CACNB4: variants seen among roughly 807,000 people sequenced by gnomAD.
CACNB4 encodes the protein voltage-dependent L-type calcium channel subunit beta-4.
A neutral mutation model predicts 71.2 loss-of-function variants in CACNB4; 32 were observed. That is an observed-to-expected ratio of 0.45 (90% CI 0.34 to 0.60). The LOEUF is 0.60. CACNB4 is among the 20% of genes least tolerant of loss of function. The pLI, the probability that CACNB4 is intolerant of heterozygous loss-of-function variation, is 0.01. For missense variants in CACNB4, 464 were observed against 647.9 expected (o/e 0.72, Z 3.08); for synonymous variants, 231 against 236.9 (o/e 0.97, Z 0.23).
chr2:151,970,199 C>A (rs973784159), intron 2 of CACNB4: 2 of 152,184 alleles, frequency 1.3e-5, no homozygotes, highest in Non-Finnish European at 2.9e-5. Context: ...CAGTTCTAGT[C>A]CTAGTATGCT....
Position 151,891,999 on chromosome 2 carries a change from C to T in CACNB4, c.148-8629G>A, listed in dbSNP as rs117595351. ...CAGTTGCACTTGGCAGCATTAGACCCGGCACAAGGTCTTCATTCCAGGGTG... is the reference window on the plus strand; with the variant it reads ...CAGTTGCACTTGGCAGCATTAGACCTGGCACAAGGTCTTCATTCCAGGGTG... On this transcript the variant is annotated intron_variant, in intron 2 of 13. Transcript: ENST00000539935. Among the ~76,000 whole-genome samples, 177 of 152,238 alleles carry T rather than the reference C, an allele frequency of 1.2e-3. 1 individual carries two copies. The East Asian group carries it at 0.021, about 18-fold the overall frequency.
intron 11 of CACNB4, chr2:151,854,331 A>C (rs182452061): frequency 6.6e-6 from 1 of 152,444 alleles, no homozygotes. Context: ...AAAAGGCCCT[A>C]GTTTGTTCAG....
At chr2:151,930,260 A>G (rs998005642) in intron 2 of CACNB4, among the ~76,000 whole-genome samples, 1 of 152,194 alleles carries the variant, frequency 6.6e-6, no homozygotes, top group African/African-American at 2.4e-5. Flanking sequence ...TAAGGAGATG[A>G]CAGATTAATG....
At chr2:151,853,250 T>C in intron 12 of CACNB4, 198 bp downstream of exon 12, 1 of 499,778 alleles carries the variant, frequency 2.0e-6, no homozygotes, top group East Asian at 3.7e-5. Context: ...CATTTCTTAT[T>C]ACAAGGCAAA....
At chr2:151,909,481 T>C (rs1360071935) in intron 2 of CACNB4, among the ~76,000 whole-genome samples, 1 of 149,768 alleles carries the variant, frequency 6.7e-6, no homozygotes, top group Non-Finnish European at 1.5e-5. Context: ...GGGATACAAG[T>C]GCAGATTATG....
chr2:151,933,712 C>T (rs781115453), intron 2 of CACNB4, among the ~76,000 whole-genome samples: 1 of 152,096 alleles, frequency 6.6e-6, no homozygotes, highest in Non-Finnish European at 1.5e-5. Context: ...TATTTTCATT[C>T]TTTAATCAAG....
In CACNB4 at chr2:152,084,322, T is replaced by C. The variant is rs573187961; in HGVS notation, c.147+14008A>G. ...TGGAACACAGGTTGTCCAGGGAGGC[T>C]GAAGAGTACAGTGCTGAAAAACAGC... On this transcript the variant is annotated intron_variant, in intron 2 of 13. Transcript: ENST00000539935. Among the ~76,000 whole-genome samples the C allele has an allele frequency of 8.5e-5, 13 of 152,302 alleles. No individual in the cohort carries two copies. The East Asian group carries it at 2.5e-3, about 29-fold the overall frequency.
At chr2:152,003,923 C>T (rs1327142923) in intron 2 of CACNB4, among the ~76,000 whole-genome samples, 1 of 152,056 alleles carries the variant, frequency 6.6e-6, no homozygotes, top group Non-Finnish European at 1.5e-5. Flanking sequence ...AGGCTCACTG[C>T]AGCCTTAAAC....
chr2:151,846,557 T>C (rs2099837640), intron 12 of CACNB4, among the ~76,000 whole-genome samples: 1 of 152,192 alleles, frequency 6.6e-6, no homozygotes, highest in South Asian at 2.1e-4. Context: ...TGTTTTGTTT[T>C]GTTTTGTTTT....
intron 2 of CACNB4, among the ~76,000 whole-genome samples, chr2:152,035,651 C>CTCTCTCTCTCTATATATATA (rs796161186): frequency 1.7e-5 from 2 of 118,074 alleles, no homozygotes; most frequent in African/African-American, 7.2e-5. Flanking sequence ...CTCTCTCTCT[C>CTCTCTCTCTCTATATATATA]TATATATATA....
intron 2 of CACNB4, among the ~76,000 whole-genome samples, chr2:152,014,648 T>C (rs1215305691): frequency 6.6e-6 from 1 of 151,578 alleles, no homozygotes; most frequent in Admixed American, 6.6e-5. Context: ...GGAGAATCGC[T>C]TGAACCCAGG....
intron 2 of CACNB4, among the ~76,000 whole-genome samples, chr2:151,915,988 G>T: frequency 1.9e-5 from 1 of 53,176 alleles, no homozygotes; most frequent in East Asian, 3.1e-4. Flanking sequence ...CCCTTGGCTG[G>T]GGGGAGGGGG....
At chr2:152,072,293 AG>A (rs1438444936) in intron 2 of CACNB4, among the ~76,000 whole-genome samples, 3 of 152,244 alleles carry the variant, frequency 2.0e-5, no homozygotes, top group African/African-American at 7.2e-5. Flanking sequence ...CACAGTCTGG[AG>A]GCACAGATCT....
intron 2 of CACNB4, among the ~76,000 whole-genome samples, chr2:151,942,782 G>C (rs987553888): frequency 3.9e-5 from 6 of 152,152 alleles, no homozygotes; most frequent in African/African-American, 1.4e-4. Context: ...ATCTCCTGCA[G>C]TACTCTCAGG....
At chr2:151,850,004 T>C (rs566295797) in intron 12 of CACNB4, among the ~76,000 whole-genome samples, 1 of 152,098 alleles carries the variant, frequency 6.6e-6, no homozygotes, top group African/African-American at 2.4e-5. Context: ...TGCAAAGGAG[T>C]CTATATAGCC....
intron 2 of CACNB4, among the ~76,000 whole-genome samples, chr2:151,965,189 C>T (rs146753329): frequency 2.7e-3 from 411 of 152,282 alleles, no homozygotes; most frequent in Middle Eastern, 0.014. Flanking sequence ...TGTTTATGCA[C>T]TAACCATTTT....
chr2:152,011,459 T>C (rs1417626642), intron 2 of CACNB4, among the ~76,000 whole-genome samples: 2 of 152,332 alleles, frequency 1.3e-5, no homozygotes, highest in Non-Finnish European at 1.5e-5. Flanking sequence ...AAATCAACTA[T>C]GTTGCTAAAC....
chr2:151,946,056 C>T (rs554206352), intron 2 of CACNB4, among the ~76,000 whole-genome samples: 64 of 152,080 alleles, frequency 4.2e-4, no homozygotes, highest in African/African-American at 1.4e-3. Flanking sequence ...AGGCCAGGTG[C>T]GGTGGCTCAC....
intron 2 of CACNB4, among the ~76,000 whole-genome samples, chr2:151,919,213 G>A (rs2099858304): frequency 2.0e-5 from 3 of 152,134 alleles, no homozygotes; most frequent in African/African-American, 7.2e-5. Context: ...GATGGCATGA[G>A]GATTGTCTTC....
Sources: allele counts gnomAD v4.1 joint callset (sites outside exome capture counted in the v4.1 genomes callset), GRCh38; gene constraint gnomAD v4.1.1; transcripts MANE v1.5; gene names NCBI Gene and HGNC (gene_info 2026-07-23, HGNC 2026-07-21).